Variants in MPRIP observed in about 807,000 individuals in gnomAD.
MPRIP encodes myosin phosphatase Rho interacting protein.
In MPRIP, 59 loss-of-function variants were observed where a neutral mutation model predicts 234.9. The ratio of observed to expected loss-of-function variants is 0.25; its 90% CI spans 0.20 to 0.31. The LOEUF (loss-of-function observed/expected upper bound fraction) is 0.31. MPRIP is among the 10% of genes least tolerant of loss of function. The pLI is 1.00. For missense variants in MPRIP, 2,436 were observed against 3,071.0 expected (o/e 0.79, Z 4.89); for synonymous variants, 1,144 against 1,263.9 (o/e 0.91, Z 2.01).
At position 17,158,925 on chromosome 17, in the gene MPRIP, G is replaced by A. The variant is rs141452605; in HGVS notation, c.2323G>A (p.Ala775Thr). The change falls in exon 14 of 24, where the codon GCC becomes ACC. Residue 775 changes from alanine to threonine, a missense_variant. Physicochemically the swap from Ala to Thr is moderately conservative, Grantham distance 58. This residue lies in a region of MPRIP where 1,998 missense variants were observed against 2,520.3 expected (regional missense o/e 0.79). Coordinates refer to ENST00000651222, the MANE Select transcript of MPRIP (RefSeq NM_001364716.4). ...PLREEKQVPI[A>T]PVHLSSEDGG... ...CCGGGAAGAGAAGCAGGTGCCCATCGCCCCCGTCCACCTGTCTTCTGAAGA... is the reference window on the plus strand; with the variant it reads ...CCGGGAAGAGAAGCAGGTGCCCATCACCCCCGTCCACCTGTCTTCTGAAGA... The A allele has an allele frequency of 9.3e-5, 150 of 1,612,698 alleles. No individual in the cohort carries two copies. In the African/African-American group the frequency reaches 1.8e-3, roughly 19 times the overall value.
Position 17,138,285 on chromosome 17 carries a change from A to C in MPRIP, c.1106A>C (p.Tyr369Ser). 1 of 454,202 alleles carries C rather than the reference A, an allele frequency of 2.2e-6. No individual in the cohort carries two copies. 28.1% of individuals were successfully genotyped at this position (454,202 alleles called of 1,614,324 possible). Residue 369 changes from tyrosine (Y) to serine (S), a missense_variant, in exon 7 of 24, where the codon TAT (tyrosine) becomes TCT (serine). Transcript: ENST00000651222. This position sits in a 1 kb window ranked among gnomAD's most constrained non-coding sequence, Gnocchi z 5.8. ...TTTGCCTTTAAAGCCAGCAGGCAAT[A>C]TGCCACCCTGGCCGACGTCCCTAAG... ...SAFAFKASRQ[Y>S]ATLADVPKAI...
At chr17:17,110,737 CA>C (rs2090152618) in intron 3 of MPRIP, among the ~76,000 whole-genome samples, 1 of 152,208 alleles carries the variant, frequency 6.6e-6, no homozygotes, top group South Asian at 2.1e-4. Flanking sequence ...GTCGTGAGAA[CA>C]ACGTCAGACA....
At chr17:17,125,228 C>G (rs1458099594) in intron 3 of MPRIP, among the ~76,000 whole-genome samples, 3 of 152,220 alleles carry the variant, frequency 2.0e-5, no homozygotes, top group African/African-American at 7.2e-5. Context: ...TCGTGTCCCC[C>G]CAGGGTCAGT....
In MPRIP at chr17:17,173,972, A is replaced by T; in HGVS notation, c.6647A>T (p.Gln2216Leu). 6.2e-7 allele frequency: 1 copy of T among 1,613,754 alleles called. No homozygotes were observed. The highest frequency in any genetic ancestry group is 8.5e-7 in the Non-Finnish European group (1 of 1,180,026). ...GAGGTCCTCTCGGAGCAGTACTCGC[A>T]GAAGTGCCTGGAGAATGCCCATCTG... ...ELEVLSEQYS[Q>L]KCLENAHLAQ... Residue 2216 changes from glutamine (Q) to leucine (L), a missense_variant, in exon 19 of 24, where the codon CAG becomes CTG. This residue lies in a region of MPRIP where 1,998 missense variants were observed against 2,520.3 expected (regional missense o/e 0.79). Transcript: ENST00000651222.
At chr17:17,099,873 A>G (rs1385167437) in intron 3 of MPRIP, among the ~76,000 whole-genome samples, 1 of 152,238 alleles carries the variant, frequency 6.6e-6, no homozygotes, top group Non-Finnish European at 1.5e-5. Context: ...AAACTAACAT[A>G]TGTCTTGTAC....
intron 3 of MPRIP, among the ~76,000 whole-genome samples, chr17:17,116,717 G>A (rs2090292809): frequency 6.6e-6 from 1 of 152,232 alleles, no homozygotes; most frequent in African/African-American, 2.4e-5. Flanking sequence ...GGCCTGCCCC[G>A]CATGCATCTG....
intron 3 of MPRIP, among the ~76,000 whole-genome samples, chr17:17,126,271 GCTCTCAAGGATGTGGCTTCT>G (rs2090488448): frequency 6.6e-6 from 1 of 152,188 alleles, no homozygotes; most frequent in South Asian, 2.1e-4. Context: ...CCCACAGCCT[GCTCTCAAGGATGTGGCTTCT>G]CTCTGGCCCC....
chr17:17,166,151 G>A lies in MPRIP; in HGVS notation c.4560G>A (p.Gln1520=). The change falls in exon 16 of 24, where the codon CAG becomes CAA. Residue 1520 remains glutamine, a synonymous_variant. Coordinates refer to ENST00000651222, the MANE Select transcript of MPRIP (RefSeq NM_001364716.4). The surrounding 1 kb of genome is among the most constrained non-coding windows in gnomAD (Gnocchi z 4.4). ...TCGTCAGCGCCATCCAAGCCCTGCA[G>A]CACTGGCCGGCCCCAGCCCATGGCG... ...SALVSAIQAL[Q]HWPAPAHGGA... is the part of the protein sequence containing the mutation. The A allele has an allele frequency of 7.7e-7, 1 of 1,302,482 alleles. No homozygotes were observed. The highest frequency in any genetic ancestry group is 1.0e-6 in the Non-Finnish European group (1 of 988,002). 80.7% of individuals were successfully genotyped at this position (1,302,482 alleles called of 1,614,324 possible). A position where few individuals can be genotyped will look rare whatever the true frequency, so the allele number is the denominator to read the frequency against.
In MPRIP at chr17:17,064,192, G is replaced by T. The variant is rs372892495; in HGVS notation, c.124-11518G>T. 4.4e-3 allele frequency among the ~76,000 whole-genome samples: 641 copies of T among 145,044 alleles called. 1 individual carries two copies. Among genetic ancestry groups the T allele is most frequent in the African/African-American group, 0.015 (566 of 36,996 alleles). On this transcript the variant is annotated intron_variant, in intron 1 of 23. Transcript: ENST00000651222. ...CACAGTGGCTGAGTTTTGTTTTTCG[G>T]TTTTTTTTGTTTTGTTTTTTTTTTT...
intron 3 of MPRIP, among the ~76,000 whole-genome samples, chr17:17,109,144 T>G (rs58377774): frequency 0.055 from 8,358 of 152,236 alleles, 777 homozygotes; most frequent in African/African-American, 0.19. Flanking sequence ...CAAAAACTCA[T>G]GCTGAAGGTA....
At chr17:17,120,120 C>CCCACCCA (rs1360370634) in intron 3 of MPRIP, among the ~76,000 whole-genome samples, 1 of 152,172 alleles carries the variant, frequency 6.6e-6, no homozygotes, top group Non-Finnish European at 1.5e-5. Flanking sequence ...AGGGAAGACT[C>CCCACCCA]CCACCCAGGT....
rs1375928232 is a variant in MPRIP, at chr17:17,192,247, G to T, written c.*7353G>T. 6.6e-6 allele frequency: 1 copy of T among 152,088 alleles called. No homozygotes were observed. Among genetic ancestry groups the T allele is most frequent in the Non-Finnish European group, 1.5e-5 (1 of 68,030 alleles). The allele number at this position is 152,088 out of a possible 1,614,324, so 9.4% of individuals were successfully genotyped here. A position where few individuals can be genotyped will look rare whatever the true frequency, so the allele number is the denominator to read the frequency against. On this transcript the variant is annotated 3_prime_UTR_variant, in exon 24 of 24. Coordinates refer to ENST00000651222, the MANE Select transcript of MPRIP (RefSeq NM_001364716.4). ...TTCATTTCTGTTCTAATGCTAAGTGGTAACGCTTAACAAACAGACTAAAAG... is the reference window on the plus strand; with the variant it reads ...TTCATTTCTGTTCTAATGCTAAGTGTTAACGCTTAACAAACAGACTAAAAG...
rs2045880764 is a variant in MPRIP at position 17,161,975 on chromosome 17, T to A, written c.2517+619T>A. ...AGCTAGCCTGGCCCAAGGGCGTGCC[T>A]ATGTCTGCTGACTTTCCTGCAGCGT... On this transcript the variant is annotated intron_variant, in intron 15 of 23. Transcript: ENST00000651222. Among the ~76,000 whole-genome samples, 3 of 152,248 alleles carry A rather than the reference T, an allele frequency of 2.0e-5. No homozygotes were observed. In the South Asian group the frequency reaches 6.2e-4, roughly 31 times the overall value.
Position 17,164,131 on chromosome 17 carries a change from C to T in MPRIP, c.2540C>T (p.Ser847Leu), listed in dbSNP as rs1434335946. Residue 847 changes from serine (S) to leucine (L), a missense_variant, in exon 16 of 24, where the codon TCG becomes TTG. Ser to Leu is a moderately radical substitution (Grantham distance 145). Coordinates refer to ENST00000651222, the MANE Select transcript of MPRIP (RefSeq NM_001364716.4). The part of the protein sequence containing the change: ...VLQTEVAASP[S>L]GAWQRLHRVN... ...AAGACTGAAGTGGCCGCCTCCCCAT[C>T]GGGTGCCTGGCAGAGGCTCCATAGA... The T allele has an allele frequency of 2.3e-6, 3 of 1,304,172 alleles. No homozygotes were observed. The highest frequency in any genetic ancestry group is 3.0e-6 in the Non-Finnish European group (3 of 988,976). The allele number at this position is 1,304,172 out of a possible 1,614,324, so 80.8% of individuals were successfully genotyped here.
intron 3 of MPRIP, among the ~76,000 whole-genome samples, chr17:17,096,206 C>G (rs1427098108): frequency 2.6e-5 from 4 of 151,252 alleles, no homozygotes; most frequent in Non-Finnish European, 5.9e-5. Context: ...CTGTCCTTTC[C>G]CACACTGTCC....
Position 17,124,329 on chromosome 17 carries a change from G to A in MPRIP, c.268-2373G>A, listed in dbSNP as rs189054884. On this transcript the variant is annotated intron_variant, in intron 3 of 23. Transcript: ENST00000651222. ...AAAGTGGGGTCTGTGCCTCCAGGGGGCCGGTGGATGATCCCTTGAGAAGAA... is the reference window on the plus strand; with the variant it reads ...AAAGTGGGGTCTGTGCCTCCAGGGGACCGGTGGATGATCCCTTGAGAAGAA... Among the ~76,000 whole-genome samples the A allele has an allele frequency of 3.9e-5, 6 of 152,326 alleles. No homozygotes were observed. In the East Asian group the frequency reaches 9.6e-4, roughly 24 times the overall value.
At chr17:17,174,981 T>C (rs1455993525) in intron 19 of MPRIP, among the ~76,000 whole-genome samples, 1 of 152,162 alleles carries the variant, frequency 6.6e-6, no homozygotes, top group Non-Finnish European at 1.5e-5. Flanking sequence ...CATAGTCCCT[T>C]TCTCACCTGA....
intron 5 of MPRIP, among the ~76,000 whole-genome samples, chr17:17,135,271 A>G (rs1054443847): frequency 1.2e-5 from 1 of 85,318 alleles, no homozygotes; most frequent in African/African-American, 4.8e-5. Flanking sequence ...CTGCCCCACA[A>G]ACACTTCTCC....
At chr17:17,122,705 A>G (rs1463973018) in intron 3 of MPRIP, among the ~76,000 whole-genome samples, 1 of 152,232 alleles carries the variant, frequency 6.6e-6, no homozygotes, top group African/African-American at 2.4e-5. Flanking sequence ...CCTGTCTTCC[A>G]AGAGTGCTGG....
Sources: gnomAD v4.1 joint callset for allele counts (sites outside exome capture counted in the v4.1 genomes callset) on GRCh38, gnomAD v4.1.1 for gene constraint, gnomAD v4.1.1 regional missense constraint, Gnocchi (gnomAD v3.1) non-coding constraint, MANE v1.5 for transcripts, NCBI Gene and HGNC (gene_info 2026-07-23, HGNC 2026-07-21) for gene names.